Variants in PDZD2 observed in about 807,000 individuals in gnomAD.
The protein encoded by PDZD2 is PDZ domain-containing protein 2.
In PDZD2, 90 loss-of-function variants were observed where a neutral mutation model predicts 220.7. That is an observed-to-expected ratio of 0.41 (90% CI 0.34 to 0.49). The LOEUF is 0.49. PDZD2 is among the 20% of genes least tolerant of loss of function. PDZD2 has a pLI of 0.28. For synonymous variants in PDZD2, 1,375 were observed against 1,450.5 expected (o/e 0.95, Z 1.18); for missense variants, 3,174 against 3,608.5 (o/e 0.88, Z 3.08).
At chr5:32,095,810 G>C (rs1743621584) in intron 21 of PDZD2, among the ~76,000 whole-genome samples, 1 of 149,070 alleles carries the variant, frequency 6.7e-6, no homozygotes, top group African/African-American at 2.5e-5. Context: ...GCGTGATCTC[G>C]GCTCACTGCA....
chr5:31,694,969 C>T (rs190317263), intron 1 of PDZD2, among the ~76,000 whole-genome samples: 313 of 151,856 alleles, frequency 2.1e-3, no homozygotes, highest in African/African-American at 7.1e-3. Flanking sequence ...ACTGAAAATA[C>T]AAAAATTAGC....
intron 6 of PDZD2, among the ~76,000 whole-genome samples, chr5:32,029,295 T>G (rs1430884933): frequency 7.2e-6 from 1 of 139,108 alleles, no homozygotes; most frequent in South Asian, 2.3e-4. Context: ...CTTGGGACCT[T>G]ATTTAAATTT....
At chr5:31,983,051 G>A (rs939322531) in intron 2 of PDZD2, 104 bp from the exon 3 acceptor site, 5 of 1,182,104 alleles carry the variant, frequency 4.2e-6, no homozygotes, top group South Asian at 1.5e-5. Context: ...TCAGTCCATC[G>A]GCCAACTGGT....
At chr5:32,037,085 G>A (rs892868535) in intron 6 of PDZD2, 146 bp from the exon 7 acceptor site, 9 of 609,352 alleles carry the variant, frequency 1.5e-5, no homozygotes, top group Non-Finnish European at 2.6e-5. Flanking sequence ...TTATCTGAAG[G>A]GCTGTGCTTT....
chr5:32,074,192 C>T lies in PDZD2; in HGVS notation c.3086C>T (p.Ala1029Val), dbSNP rs200590501. 568 of 1,614,186 alleles carry T rather than the reference C, an allele frequency of 3.5e-4. 2 individuals carry two copies. Among genetic ancestry groups the T allele is most frequent in the East Asian group, 1.4e-3 (63 of 44,876 alleles). ...CCCCGGAAAACACTGGTGAGCAAGG[C>T]CATCTCGGCACCTCTTCTTGGTAGC... ...ERPRKTLVSK[A>V]ISAPLLGSSV... Residue 1029 changes from alanine (A) to valine (V), a missense_variant, in exon 18 of 25, where the codon GCC becomes GTC. Physicochemically the swap from Ala to Val is moderately conservative, Grantham distance 64 (BLOSUM62 0). Around this residue, in one of 4 missense-constraint regions of PDZD2, gnomAD observed 1,861 missense variants for 2,001.0 expected, o/e 0.93. Transcript: ENST00000438447.
intron 24 of PDZD2, 122 bp from the exon 25 acceptor site, chr5:32,107,847 T>C (rs950585250): frequency 7.1e-6 from 4 of 561,952 alleles, no homozygotes; most frequent in Non-Finnish European, 1.2e-5. Flanking sequence ...CTAAGAAATA[T>C]TTCTCTATTC....
chr5:31,781,583 A>G (rs78268380), intron 1 of PDZD2, among the ~76,000 whole-genome samples: 1 of 152,200 alleles, frequency 6.6e-6, no homozygotes, highest in Admixed American at 6.5e-5. Context: ...AATTCATTCA[A>G]ATAAAGTCTT....
At chr5:32,048,776 C>A in intron 8 of PDZD2, 92 bp downstream of exon 8, 2 of 1,313,084 alleles carry the variant, frequency 1.5e-6, no homozygotes, top group Non-Finnish European at 1.1e-6. Flanking sequence ...GTGTCTGGGG[C>A]TAGAGAAGTG....
chr5:32,078,638 T>TCAA (rs1561525673), intron 19 of PDZD2, among the ~76,000 whole-genome samples: 1 of 104,924 alleles, frequency 9.5e-6, no homozygotes, highest in Admixed American at 1.1e-4. Flanking sequence ...TCTCAAAAAT[T>TCAA]AAAAAAAAAA....
At chr5:31,663,909 CTGTG>C (rs372002285) in intron 1 of PDZD2, among the ~76,000 whole-genome samples, 45 of 152,028 alleles carry the variant, frequency 3.0e-4, no homozygotes, top group African/African-American at 1.0e-3. Flanking sequence ...GCACATGTAT[CTGTG>C]TGTGAGTGTG....
At chr5:31,754,593 C>T (rs753812538) in intron 1 of PDZD2, 2 of 152,152 alleles carry the variant, frequency 1.3e-5, no homozygotes, top group African/African-American at 4.8e-5. Flanking sequence ...AAGTAATTTT[C>T]TCTCCTTTTT....
chr5:32,105,873 G>T (rs1031081810), intron 24 of PDZD2, among the ~76,000 whole-genome samples: 1 of 151,978 alleles, frequency 6.6e-6, no homozygotes, highest in African/African-American at 2.4e-5. Flanking sequence ...TTAAACGAGA[G>T]AATTTATTTC....
At chr5:32,054,235 G>A (rs1738868745) in intron 10 of PDZD2, among the ~76,000 whole-genome samples, 1 of 151,294 alleles carries the variant, frequency 6.6e-6, no homozygotes, top group African/African-American at 2.4e-5. Context: ...TGGAAGCAGA[G>A]CGCCTGGTCA....
chr5:31,990,103 C>T (rs1019385822), intron 3 of PDZD2, among the ~76,000 whole-genome samples: 1 of 152,216 alleles, frequency 6.6e-6, no homozygotes, highest in Admixed American at 6.5e-5. Context: ...CAAACGGTTT[C>T]AGAAAAGGTT....
intron 2 of PDZD2, among the ~76,000 whole-genome samples, chr5:31,975,244 A>G (rs1276150850): frequency 6.6e-6 from 1 of 152,232 alleles, no homozygotes; most frequent in Non-Finnish European, 1.5e-5. Context: ...GAGGCCTCAC[A>G]ATCATGGTAG....
intron 2 of PDZD2, among the ~76,000 whole-genome samples, chr5:31,880,113 G>A (rs1739732781): frequency 6.6e-6 from 1 of 151,772 alleles, no homozygotes; most frequent in African/African-American, 2.4e-5. Flanking sequence ...TAGTAGAGAT[G>A]GGGTTTCACC....
At chr5:32,029,218 C>T (rs1290971536) in intron 6 of PDZD2, among the ~76,000 whole-genome samples, 2 of 149,688 alleles carry the variant, frequency 1.3e-5, no homozygotes, top group African/African-American at 2.4e-5. Flanking sequence ...TGTCCCCACG[C>T]CCTTAACATT....
intron 3 of PDZD2, among the ~76,000 whole-genome samples, chr5:31,987,562 C>A (rs1750814993): frequency 6.6e-6 from 1 of 152,204 alleles, no homozygotes; most frequent in Non-Finnish European, 1.5e-5. Context: ...GGTAACATCT[C>A]CCAAGTCTGT....
intron 1 of PDZD2, among the ~76,000 whole-genome samples, chr5:31,714,227 C>T (rs1670370611): frequency 6.6e-6 from 1 of 152,192 alleles, no homozygotes; most frequent in Non-Finnish European, 1.5e-5. Context: ...TAAGGGTGGC[C>T]AGCTAGGGCT....
Sources: gnomAD v4.1 joint callset for allele counts (sites outside exome capture counted in the v4.1 genomes callset) on GRCh38, gnomAD v4.1.1 for gene constraint, gnomAD v4.1.1 regional missense constraint, MANE v1.5 for transcripts, NCBI Gene and HGNC (gene_info 2026-07-23, HGNC 2026-07-21) for gene names.